KDM5A: variants seen among roughly 807,000 people sequenced by gnomAD.
The protein encoded by KDM5A is lysine demethylase 5A.
A neutral mutation model predicts 193.5 loss-of-function variants in KDM5A; 42 were observed. The ratio of observed to expected loss-of-function variants is 0.22; its 90% CI spans 0.17 to 0.28. The LOEUF is 0.28. KDM5A is among the 10% of genes least tolerant of loss of function. The probability of loss-of-function intolerance (pLI) is 1.00; values close to 1 mark genes in which losing one functional copy is unlikely to be tolerated. For missense variants in KDM5A, 1,692 were observed against 2,055.1 expected, an observed-to-expected ratio of 0.82 and a Z score of 3.42; for synonymous variants, 796 against 718.1, an observed-to-expected ratio of 1.11 and a Z score of -1.73.
At chr12:325,835 G>A (rs1943775802) in intron 14 of KDM5A, among the ~76,000 whole-genome samples, 1 of 152,104 alleles carries the variant, frequency 6.6e-6, no homozygotes, top group Admixed American at 6.6e-5. Context: ...CTAACATGGT[G>A]AAACCCTGTC....
intron 6 of KDM5A, 100 bp downstream of exon 6, chr12:356,332 T>G: frequency 1.3e-6 from 1 of 799,646 alleles, no homozygotes; most frequent in Non-Finnish European, 2.1e-6. Context: ...TTACAATTCT[T>G]AAGAAATTCC....
rs928590250 is a variant in KDM5A, at chr12:351,451, G to A, written c.1150-672C>T. On this transcript the variant is annotated intron_variant, in intron 9 of 27. Coordinates refer to ENST00000399788, the MANE Select transcript of KDM5A (RefSeq NM_001042603.3). ...ATATGTGCCACATTTTCTTCATCCA[G>A]TCTATCATTGATGGGCATCTGGGTT... Among the ~76,000 whole-genome samples, 9 of 152,170 alleles carry A rather than the reference G, an allele frequency of 5.9e-5. No individual in the cohort carries two copies. In the East Asian group the frequency reaches 1.7e-3, roughly 29 times the overall value.
intron 3 of KDM5A, among the ~76,000 whole-genome samples, chr12:372,217 C>T (rs1219422633): frequency 5.3e-5 from 8 of 152,120 alleles, no homozygotes; most frequent in Admixed American, 4.6e-4. Context: ...GATAATGATT[C>T]TTCCTATCCA....
At chr12:378,516 C>T (rs548370533) in intron 3 of KDM5A, among the ~76,000 whole-genome samples, 5 of 152,294 alleles carry the variant, frequency 3.3e-5, no homozygotes, top group African/African-American at 9.6e-5. Context: ...CCTCCTGCCT[C>T]GGCCTCCCAA....
At chr12:376,047 A>G (rs1017425829) in intron 3 of KDM5A, among the ~76,000 whole-genome samples, 1 of 152,236 alleles carries the variant, frequency 6.6e-6, no homozygotes, top group Non-Finnish European at 1.5e-5. Context: ...ATAAGGAGGC[A>G]GTCTGCCCGT....
rs144276601 is a variant in KDM5A at position 313,191 on chromosome 12, C to G, written c.2901G>C (p.Pro967=). 7.5e-4 allele frequency: 1,212 copies of G among 1,613,966 alleles called. 7 individuals are homozygous for G. The highest frequency in any genetic ancestry group is 4.6e-3 in the Middle Eastern group (28 of 6,060). The change falls in exon 20 of 28, where the codon CCG becomes CCC. Residue 967 remains proline (P), a synonymous_variant. Transcript: ENST00000399788. The part of the protein sequence containing the change: ...EKAKVCLQAR[P]RHSVASLESI... ...TTTCTAAACTTGCCACACTGTGCCT[C>G]GGTCTAAAAGAACAATAAAAACAGA...
intron 27 of KDM5A, among the ~76,000 whole-genome samples, chr12:292,155 C>T (rs1360784193): frequency 1.3e-5 from 2 of 152,172 alleles, no homozygotes; most frequent in African/African-American, 4.8e-5. Context: ...CCGCCCACCT[C>T]GGCCTCCCAA....
At chr12:380,199 T>G (rs1944557433) in intron 3 of KDM5A, among the ~76,000 whole-genome samples, 2 of 142,710 alleles carry the variant, frequency 1.4e-5, no homozygotes, top group Admixed American at 7.3e-5. Flanking sequence ...ACCCAGGAGG[T>G]GGGAGGTTGC....
intron 14 of KDM5A, among the ~76,000 whole-genome samples, chr12:325,823 G>T (rs926094612): frequency 2.0e-5 from 3 of 152,096 alleles, no homozygotes; most frequent in Non-Finnish European, 1.5e-5. Flanking sequence ...AGATTAGCCC[G>T]GCTAACATGG....
intron 18 of KDM5A, among the ~76,000 whole-genome samples, chr12:320,619 T>C (rs1165547676): frequency 2.0e-5 from 3 of 152,192 alleles, no homozygotes; most frequent in African/African-American, 7.2e-5. Context: ...ATACATACTT[T>C]TAAGATTTTA....
chr12:341,851 G>A (rs974956518), intron 10 of KDM5A, among the ~76,000 whole-genome samples: 7 of 150,686 alleles, frequency 4.6e-5, no homozygotes, highest in African/African-American at 1.7e-4. Flanking sequence ...AGTGAACCAA[G>A]ATGGTGCCAC....
chr12:288,394 G>C, intron 27 of KDM5A, among the ~76,000 whole-genome samples: 1 of 152,224 alleles, frequency 6.6e-6, no homozygotes, highest in Non-Finnish European at 1.5e-5. Context: ...TTAAATGATA[G>C]GAGATTTTAC....
chr12:337,010 T>A (rs1276913763), intron 10 of KDM5A, among the ~76,000 whole-genome samples: 2 of 152,094 alleles, frequency 1.3e-5, no homozygotes, highest in African/African-American at 4.8e-5. Flanking sequence ...GAATCCCCAA[T>A]GTTGGAGGAG....
intron 3 of KDM5A, among the ~76,000 whole-genome samples, chr12:378,831 C>A (rs1223877063): frequency 1.3e-5 from 2 of 151,824 alleles, no homozygotes; most frequent in Non-Finnish European, 2.9e-5. Flanking sequence ...TGGTGGTGGG[C>A]GCCTGTAGTC....
In KDM5A at chr12:293,143, T is replaced by C. The variant is rs778047490; in HGVS notation, c.4482A>G (p.Leu1494=). ...CTGAAGAGTCCTTTCCTTTCACTTT[T>C]AGTGGTTTCTCTTCCATGCTGTCAT... ...MEDDSMEEKP[L]KVKGKDSSEK... Residue 1494 remains leucine (L), a synonymous_variant, in exon 27 of 28, where the codon CTA becomes CTG. Coordinates refer to ENST00000399788, the MANE Select transcript of KDM5A (RefSeq NM_001042603.3). The C allele has an allele frequency of 2.5e-5, 40 of 1,611,604 alleles. No homozygotes were observed. Among genetic ancestry groups the C allele is most frequent in the Non-Finnish European group, 3.1e-5 (36 of 1,179,466 alleles).
rs1943742422 is a variant in KDM5A at position 323,221 on chromosome 12, A to G, written c.2151-15T>C. 1 of 1,468,052 alleles carries G rather than the reference A, an allele frequency of 6.8e-7. No individual in the cohort carries two copies. The highest frequency in any genetic ancestry group is 1.5e-5 in the African/African-American group (1 of 68,184). 90.9% of individuals were successfully genotyped at this position (1,468,052 alleles called of 1,614,324 possible). On this transcript the variant is annotated splice_polypyrimidine_tract_variant and intron_variant, in intron 15 of 27. Transcript: ENST00000399788. ...GGTAGCGATATCTACAAAAAAAAAAAAAAAAAAAAAAAAAAAAAGAAAACA... is the reference window on the plus strand; with the variant it reads ...GGTAGCGATATCTACAAAAAAAAAAGAAAAAAAAAAAAAAAAAAGAAAACA...
Position 333,510 on chromosome 12 carries a change from C to A in KDM5A, c.1630G>T (p.Val544Leu), listed in dbSNP as rs759749431. Residue 544 changes from valine (V) to leucine (L), a missense_variant, in exon 12 of 28, where the codon GTG (valine) becomes TTG (leucine). This residue lies in a region of KDM5A where 172 missense variants were observed against 260.3 expected (regional missense o/e 0.66). Coordinates refer to ENST00000399788, the MANE Select transcript of KDM5A (RefSeq NM_001042603.3). ...HQLVTIMNPN[V>L]LMEHGVPVYR... The stretch of plus-strand genomic sequence containing the variant: ...ACAGGCACACCATGCTCCATTAGCA[C>A]GTTGGGGTTCATGATGGTAACTAAC... 1.5e-5 allele frequency: 25 copies of A among 1,613,984 alleles called. No homozygotes were observed. In the South Asian group the frequency reaches 2.7e-4, roughly 18 times the overall value.
At chr12:376,119 A>G (rs1944500892) in intron 3 of KDM5A, among the ~76,000 whole-genome samples, 1 of 152,216 alleles carries the variant, frequency 6.6e-6, no homozygotes, top group Non-Finnish European at 1.5e-5. Context: ...TCAGACAGGG[A>G]CATTTAAGTC....
intron 24 of KDM5A, 76 bp downstream of exon 24, chr12:306,870 T>G: frequency 1.4e-6 from 2 of 1,396,556 alleles, no homozygotes; most frequent in Non-Finnish European, 2.0e-6. Context: ...CAAACATCAC[T>G]GTTCAATAGC....
Sources: gnomAD v4.1 joint callset for allele counts (sites outside exome capture counted in the v4.1 genomes callset) on GRCh38, gnomAD v4.1.1 for gene constraint, gnomAD v4.1.1 regional missense constraint, MANE v1.5 for transcripts, NCBI Gene and HGNC (gene_info 2026-07-23, HGNC 2026-07-21) for gene names.